Variants in RABGEF1 observed in about 807,000 individuals in gnomAD.
RABGEF1 encodes the protein rab5 GDP/GTP exchange factor.
A neutral mutation model predicts 57.3 loss-of-function variants in RABGEF1; 26 were observed. The ratio of observed to expected loss-of-function variants is 0.45; its 90% confidence interval spans 0.33 to 0.63. RABGEF1 has a LOEUF of 0.63. Ranked by LOEUF, RABGEF1 falls within the 20% of genes least tolerant of loss-of-function variation. The probability of loss-of-function intolerance (pLI) is 0.02; values close to 1 mark genes in which losing one functional copy is unlikely to be tolerated. For missense variants in RABGEF1, 464 were observed against 607.6 expected (o/e 0.76, Z 2.48); for synonymous variants, 185 against 210.7 (o/e 0.88, Z 1.06).
chr7:66,705,443 A>AAGACAAAGAGAGAGAGAGAGAGAG (rs540794271), intron 1 of RABGEF1, among the ~76,000 whole-genome samples: 2 of 66,372 alleles, frequency 3.0e-5, no homozygotes, highest in East Asian at 5.1e-4. Context: ...TCTCGAAAGA[A>AAGACAAAGAGAGAGAGAGAGAGAG]AGAGAGAGAG....
chr7:66,760,239 C>T (rs1349714847), intron 1 of RABGEF1, among the ~76,000 whole-genome samples: 1 of 152,162 alleles, frequency 6.6e-6, no homozygotes, highest in Non-Finnish European at 1.5e-5. Flanking sequence ...TCCTCCATAT[C>T]TGTGGTTTTG....
intron 1 of RABGEF1, among the ~76,000 whole-genome samples, chr7:66,760,258 A>C (rs1803946815): frequency 6.6e-6 from 1 of 152,180 alleles, no homozygotes; most frequent in African/African-American, 2.4e-5. Context: ...TGTCATTTGG[A>C]AAGGTTGTAG....
chr7:66,702,347 T>TGTGTG, intron 1 of RABGEF1, among the ~76,000 whole-genome samples: 1 of 143,888 alleles, frequency 6.9e-6, no homozygotes, highest in East Asian at 2.0e-4. Context: ...ATTGTTTTGT[T>TGTGTG]TGTGTGTGTG....
upstream of RABGEF1, among the ~76,000 whole-genome samples, chr7:66,677,761 CAAAAA>C (rs35401177): frequency 4.4e-5 from 3 of 67,478 alleles, no homozygotes; most frequent in Admixed American, 4.6e-4. Flanking sequence ...GACTCCGTCT[CAAAAA>C]AAAAAAAAAA....
At chr7:66,681,032 G>A (rs1161192407), upstream of RABGEF1, among the ~76,000 whole-genome samples, 1 of 151,608 alleles carries the variant, frequency 6.6e-6, no homozygotes, top group Admixed American at 6.6e-5. Context: ...GCAGTGAGCC[G>A]AGATCACACC....
At chr7:66,803,927 G>A (rs1383701210) in intron 7 of RABGEF1, among the ~76,000 whole-genome samples, 1 of 151,848 alleles carries the variant, frequency 6.6e-6, no homozygotes, top group African/African-American at 2.4e-5. Flanking sequence ...TTTTCCCTGG[G>A]AGAAGTAAAA....
rs201058600 is a variant in RABGEF1 at position 66,809,014 on chromosome 7, T to C, written c.1206T>C (p.Asp402=). 6.2e-7 allele frequency: 1 copy of C among 1,614,220 alleles called. No individual in the cohort carries two copies. The highest frequency in any genetic ancestry group is 8.5e-7 in the Non-Finnish European group (1 of 1,180,048). The change falls in exon 9 of 9, where the codon GAT becomes GAC. Residue 402 remains aspartate (D), a synonymous_variant. Coordinates refer to ENST00000284957, the MANE Select transcript of RABGEF1 (RefSeq NM_014504.3). ...RKQEAESWSP[D]ACLGVKQMYK... ...AAGAAGCTGAGAGTTGGTCTCCTGA[T>C]GCTTGCTTAGGCGTCAAGCAAATGT...
chr7:66,712,682 G>A (rs575985720), intron 2 of RABGEF1, among the ~76,000 whole-genome samples: 1 of 152,154 alleles, frequency 6.6e-6, no homozygotes, highest in African/African-American at 2.4e-5. Context: ...ATGTTACCCA[G>A]ATTGGATCTT....
At chr7:66,655,410 T>A in the RABGEF1 span, among the ~76,000 whole-genome samples, 3 of 152,178 alleles carry the variant, frequency 2.0e-5, no homozygotes, top group African/African-American at 7.2e-5. Context: ...TGGGCGCCCG[T>A]GGACTCGTTT....
At chr7:66,681,334 C>G (rs1265103168), upstream of RABGEF1, among the ~76,000 whole-genome samples, 1 of 151,388 alleles carries the variant, frequency 6.6e-6, no homozygotes. Context: ...CAATTTGTGA[C>G]TCAACCATTC....
chr7:66,689,807 A>G (rs1239708148), intron 1 of RABGEF1, among the ~76,000 whole-genome samples: 1 of 152,062 alleles, frequency 6.6e-6, no homozygotes, highest in African/African-American at 2.4e-5. Flanking sequence ...CGTCTCAAAA[A>G]AAAAAAAAAG....
the RABGEF1 span, among the ~76,000 whole-genome samples, chr7:66,672,266 CAA>C: frequency 5.5e-5 from 6 of 108,316 alleles, no homozygotes; most frequent in Admixed American, 8.9e-5. Context: ...ACTAAAAATA[CAA>C]AAAAAAAAAA....
intron 4 of RABGEF1, among the ~76,000 whole-genome samples, chr7:66,791,896 G>A (rs1285598556): frequency 2.6e-5 from 4 of 152,084 alleles, no homozygotes; most frequent in Non-Finnish European, 4.4e-5. Context: ...GATGGATCAC[G>A]AGGTCAGGAG....
At chr7:66,800,990 G>A (rs1314311799) in intron 7 of RABGEF1, among the ~76,000 whole-genome samples, 1 of 152,242 alleles carries the variant, frequency 6.6e-6, no homozygotes, top group Non-Finnish European at 1.5e-5. Flanking sequence ...TCTAGGGCAG[G>A]AGGCTCATGT....
At chr7:66,717,241 A>T (rs1370782931) in intron 2 of RABGEF1, among the ~76,000 whole-genome samples, 2 of 152,100 alleles carry the variant, frequency 1.3e-5, no homozygotes, top group East Asian at 3.9e-4. Flanking sequence ...TGTACACCAA[A>T]CTTTTTACTT....
chr7:66,672,113 C>CTT, the RABGEF1 span, among the ~76,000 whole-genome samples: 4 of 151,554 alleles, frequency 2.6e-5, no homozygotes, highest in African/African-American at 9.7e-5. Context: ...GGCTGAGACT[C>CTT]TGTCTGTTAA....
At chr7:66,740,420 C>G (rs1798632225), upstream of RABGEF1, 1 of 151,976 alleles carries the variant, frequency 6.6e-6, no homozygotes, top group South Asian at 2.1e-4. Context: ...GCGGAGCCAG[C>G]GTCGCCCTCC....
chr7:66,735,561 G>C (rs1004597544), intron 2 of RABGEF1, among the ~76,000 whole-genome samples: 1 of 152,200 alleles, frequency 6.6e-6, no homozygotes, highest in African/African-American at 2.4e-5. Flanking sequence ...CCTAAAGTTG[G>C]AGGTGAGGCC....
intron 3 of RABGEF1, among the ~76,000 whole-genome samples, chr7:66,780,784 G>T (rs749070957): frequency 3.9e-5 from 6 of 152,110 alleles, no homozygotes; most frequent in Admixed American, 6.5e-5. Context: ...TTTTTATGAT[G>T]AGATGCCCCT....
Sources: allele counts gnomAD v4.1 joint callset (sites outside exome capture counted in the v4.1 genomes callset), GRCh38; gene constraint gnomAD v4.1.1; transcripts MANE v1.5; gene names NCBI Gene and HGNC (gene_info 2026-07-23, HGNC 2026-07-21).